Variants in HS6ST3 observed in about 807,000 individuals in gnomAD.
HS6ST3 encodes the protein heparan-sulfate 6-O-sulfotransferase 3.
Under a neutral mutation model 36.7 loss-of-function variants are expected in HS6ST3, and 12 were observed. That is an observed-to-expected ratio of 0.33 (90% CI 0.21 to 0.53). The LOEUF is 0.53. Among genes scored for constraint, HS6ST3 ranks in the 20% least tolerant of loss-of-function variants. The pLI is 0.95. For synonymous variants in HS6ST3, 240 were observed against 257.5 expected, an observed-to-expected ratio of 0.93 and a Z score of 0.65; for missense variants, 584 against 640.9, an observed-to-expected ratio of 0.91 and a Z score of 0.96.
intron 1 of HS6ST3, among the ~76,000 whole-genome samples, chr13:96,687,232 T>C (rs1284401134): frequency 6.6e-6 from 1 of 152,034 alleles, no homozygotes; most frequent in African/African-American, 2.4e-5. Flanking sequence ...GTGAATAAAT[T>C]GTTTTATTCA....
intron 1 of HS6ST3, among the ~76,000 whole-genome samples, chr13:96,410,038 G>T (rs1480581529): frequency 2.6e-5 from 4 of 152,062 alleles, no homozygotes; most frequent in African/African-American, 9.7e-5. Flanking sequence ...GTACTATAAG[G>T]ATAATATCTT....
At chr13:96,275,786 T>C (rs1347078729) in intron 1 of HS6ST3, among the ~76,000 whole-genome samples, 2 of 152,110 alleles carry the variant, frequency 1.3e-5, no homozygotes, top group East Asian at 1.9e-4. Flanking sequence ...TAAAGACTTT[T>C]CTGAAATGTC....
intron 1 of HS6ST3, among the ~76,000 whole-genome samples, chr13:96,299,579 G>C (rs1429235156): frequency 6.6e-6 from 1 of 152,156 alleles, no homozygotes; most frequent in Non-Finnish European, 1.5e-5. Context: ...CAATGTTTTT[G>C]TTGGATCCAG....
intron 1 of HS6ST3, among the ~76,000 whole-genome samples, chr13:96,182,391 C>G (rs2054244236): frequency 6.6e-6 from 1 of 152,136 alleles, no homozygotes; most frequent in African/African-American, 2.4e-5. Context: ...TAAAATAACT[C>G]TGCTCACTAA....
intron 1 of HS6ST3, among the ~76,000 whole-genome samples, chr13:96,210,976 G>C (rs140886601): frequency 1.3e-5 from 2 of 151,548 alleles, no homozygotes; most frequent in African/African-American, 4.9e-5. Flanking sequence ...CTGTTGCCCA[G>C]GCTGGAGTGC....
rs746254746 is a variant in HS6ST3 at position 96,632,459 on chromosome 13, G to A, written c.708-200031G>A. On this transcript the variant is annotated intron_variant, in intron 1 of 1. Coordinates refer to ENST00000376705, the MANE Select transcript of HS6ST3 (RefSeq NM_153456.4). ...ATCAACTCGTGAACAGTTGTTTTGG[G>A]GGCTCCTGGATATCAGCTAATATGC... Among the ~76,000 whole-genome samples, 103 of 152,074 alleles carry A rather than the reference G, an allele frequency of 6.8e-4. 2 individuals are homozygous for A. The highest frequency in any genetic ancestry group is 3.1e-4 in the Non-Finnish European group (21 of 67,970).
At chr13:96,478,926 G>T (rs2055876931) in intron 1 of HS6ST3, among the ~76,000 whole-genome samples, 1 of 152,096 alleles carries the variant, frequency 6.6e-6, no homozygotes, top group Non-Finnish European at 1.5e-5. Flanking sequence ...CTATACCTTT[G>T]GAATAACTGA....
intron 1 of HS6ST3, among the ~76,000 whole-genome samples, chr13:96,747,900 T>C (rs1163470052): frequency 6.6e-6 from 1 of 152,000 alleles, no homozygotes; most frequent in African/African-American, 2.4e-5. Context: ...TTGGGGTAGC[T>C]ATTAGGAAGA....
chr13:96,425,707 C>T (rs556196927), intron 1 of HS6ST3, among the ~76,000 whole-genome samples: 23 of 152,096 alleles, frequency 1.5e-4, no homozygotes, highest in African/African-American at 4.8e-4. Context: ...ACACCTCAGG[C>T]GGGACAGTAA....
chr13:96,185,636 C>G (rs1441968206), intron 1 of HS6ST3, among the ~76,000 whole-genome samples: 2 of 152,184 alleles, frequency 1.3e-5, no homozygotes, highest in Non-Finnish European at 2.9e-5. Flanking sequence ...ACTGCATTTT[C>G]TCCTGTTATT....
At position 96,090,518 on chromosome 13, in the gene HS6ST3, C is replaced by T. The variant is rs1203444685; in HGVS notation, c.-345C>T. ...AACCCCGCTCCCCAGCGCCTGAGCG[C>T]CTGCAAGCCGCCGGCGGGATGCCGC... is the stretch of plus-strand genomic sequence containing the variant. On this transcript the variant is annotated 5_prime_UTR_variant, in exon 1 of 2. Transcript: ENST00000376705. Among the ~76,000 whole-genome samples the T allele has an allele frequency of 6.8e-6, 1 of 146,534 alleles. No homozygotes were observed. The highest frequency in any genetic ancestry group is 1.5e-5 in the Non-Finnish European group (1 of 65,856).
chr13:96,255,900 T>G (rs769118779), intron 1 of HS6ST3, among the ~76,000 whole-genome samples: 6 of 152,218 alleles, frequency 3.9e-5, no homozygotes, highest in African/African-American at 7.2e-5. Context: ...TTGACCCTAG[T>G]TCTGTCATTT....
intron 1 of HS6ST3, among the ~76,000 whole-genome samples, chr13:96,440,628 C>T (rs1470624929): frequency 5.0e-5 from 6 of 120,906 alleles, no homozygotes; most frequent in African/African-American, 1.9e-4. Context: ...CTGGTATCAT[C>T]ACATAAAAGT....
chr13:96,245,520 G>A (rs1057474854), intron 1 of HS6ST3, among the ~76,000 whole-genome samples: 14 of 152,066 alleles, frequency 9.2e-5, no homozygotes, highest in South Asian at 2.1e-4. Flanking sequence ...TAGATGTTGA[G>A]ACCTGAGGGT....
At position 96,478,388 on chromosome 13, in the gene HS6ST3, A is replaced by C. The variant is rs2055874246; in HGVS notation, c.708-354102A>C. Reference sequence around the variant, plus strand: ...TCGCCGGAGTCCTAAGCGGCAAAAAAGGAAGAAATGTCAGAGTAGGTTAAA... The same window carrying C: ...TCGCCGGAGTCCTAAGCGGCAAAAACGGAAGAAATGTCAGAGTAGGTTAAA... On this transcript the variant is annotated intron_variant, in intron 1 of 1. Coordinates refer to ENST00000376705, the MANE Select transcript of HS6ST3 (RefSeq NM_153456.4). Among the ~76,000 whole-genome samples, 3 of 152,210 alleles carry C rather than the reference A, an allele frequency of 2.0e-5. No individual in the cohort carries two copies. The South Asian group carries it at 6.2e-4, about 32-fold the overall frequency.
chr13:96,249,387 T>G (rs766703624), intron 1 of HS6ST3, among the ~76,000 whole-genome samples: 34 of 152,096 alleles, frequency 2.2e-4, no homozygotes, highest in Non-Finnish European at 8.8e-5. Flanking sequence ...AAAAGGAAGC[T>G]AAATCACCCT....
chr13:96,755,079 T>C (rs963628080), intron 1 of HS6ST3, among the ~76,000 whole-genome samples: 1 of 152,134 alleles, frequency 6.6e-6, no homozygotes, highest in Non-Finnish European at 1.5e-5. Flanking sequence ...TTGATAAAGT[T>C]ACGTATCTGT....
At chr13:96,190,747 A>T (rs1415869807) in intron 1 of HS6ST3, among the ~76,000 whole-genome samples, 3 of 152,218 alleles carry the variant, frequency 2.0e-5, no homozygotes, top group African/African-American at 7.2e-5. Flanking sequence ...AACAGATAGG[A>T]TAGTTAGGGC....
intron 1 of HS6ST3, among the ~76,000 whole-genome samples, chr13:96,247,906 G>A (rs757412714): frequency 4.6e-5 from 7 of 152,086 alleles, no homozygotes; most frequent in Non-Finnish European, 8.8e-5. Flanking sequence ...AAGGTTATAG[G>A]GATAGGGTTA....
Sources: allele counts gnomAD v4.1 joint callset (sites outside exome capture counted in the v4.1 genomes callset), GRCh38; gene constraint gnomAD v4.1.1; transcripts MANE v1.5; gene names NCBI Gene and HGNC (gene_info 2026-07-23, HGNC 2026-07-21).